DNAH5: variants seen among roughly 807,000 people sequenced by gnomAD.
DNAH5 encodes the protein dynein axonemal heavy chain 5, also known as axonemal beta dynein heavy chain 5.
A neutral mutation model predicts 518.2 loss-of-function variants in DNAH5; 372 were observed. The ratio of observed to expected loss-of-function variants is 0.72; its 90% CI spans 0.66 to 0.78. The LOEUF (loss-of-function observed/expected upper bound fraction) is 0.78, where lower values mean the gene tolerates loss of function less well. Among genes scored for constraint, DNAH5 ranks in the 30% least tolerant of loss-of-function variants. The pLI is 0.00. For missense variants in DNAH5, 5,523 were observed against 5,687.0 expected, an observed-to-expected ratio of 0.97 and a Z score of 0.93; for synonymous variants, 2,039 against 2,025.9, an observed-to-expected ratio of 1.01 and a Z score of -0.17.
chr5:13,795,074 A>G (rs1449362310), intron 47 of DNAH5, among the ~76,000 whole-genome samples: 2 of 152,200 alleles, frequency 1.3e-5, no homozygotes, highest in Admixed American at 6.5e-5. Context: ...AATTTATAGC[A>G]CTAAACACCC....
chr5:13,838,924 G>C (rs544941818), intron 35 of DNAH5, among the ~76,000 whole-genome samples: 1 of 151,550 alleles, frequency 6.6e-6, no homozygotes, highest in South Asian at 2.1e-4. Context: ...CACTCTGGAG[G>C]CCTTTCCAGT....
chr5:13,766,820 GATA>G (rs1253265461), intron 58 of DNAH5, among the ~76,000 whole-genome samples: 1 of 152,176 alleles, frequency 6.6e-6, no homozygotes, highest in Non-Finnish European at 1.5e-5. Context: ...TGTTTTGGTT[GATA>G]ATAACTGCTC....
At chr5:13,978,311 T>G (rs1431943744) in intron 1 of DNAH5, among the ~76,000 whole-genome samples, 1 of 152,208 alleles carries the variant, frequency 6.6e-6, no homozygotes, top group African/African-American at 2.4e-5. Context: ...GATTAACATT[T>G]AGATCAGTAG....
chr5:13,927,908 A>C (rs1157827585), intron 3 of DNAH5, among the ~76,000 whole-genome samples, 186 bp downstream of exon 3: 1 of 152,206 alleles, frequency 6.6e-6, no homozygotes, highest in Non-Finnish European at 1.5e-5. Context: ...CCTTGAGGTG[A>C]AACAGAACTT....
intron 78 of DNAH5, among the ~76,000 whole-genome samples, chr5:13,692,452 C>T (rs1579766952): frequency 6.6e-6 from 1 of 152,254 alleles, no homozygotes; most frequent in Non-Finnish European, 1.5e-5. Context: ...ATCCCCTCCA[C>T]CTGTTCTCCT....
chr5:13,826,820 T>C (rs1486786068), intron 38 of DNAH5, among the ~76,000 whole-genome samples: 2 of 152,140 alleles, frequency 1.3e-5, no homozygotes, highest in Admixed American at 1.3e-4. Flanking sequence ...AGGCAGAGGT[T>C]GGAACAGTTT....
rs7726168 is a variant in DNAH5, at chr5:13,762,539, T to C, written c.10281+183A>G. On this transcript the variant is annotated intron_variant, in intron 60 of 78. Transcript: ENST00000265104. ...GCTTAGAGGCTCATATGGTTCTGAT[T>C]AGAACAGGATTACAAAGAAGAAAGA... Among the ~76,000 whole-genome samples the C allele has an allele frequency of 2.9e-3, 444 of 152,272 alleles. 3 individuals are homozygous for C. Among genetic ancestry groups the C allele is most frequent in the African/African-American group, 0.01 (426 of 41,538 alleles).
chr5:13,934,712 C>G (rs933511534), intron 1 of DNAH5, among the ~76,000 whole-genome samples: 13 of 152,122 alleles, frequency 8.5e-5, no homozygotes, highest in Non-Finnish European at 1.5e-4. Context: ...TATTGCTACA[C>G]CTATGTAATT....
At chr5:13,978,472 G>A (rs1581095837) in intron 1 of DNAH5, among the ~76,000 whole-genome samples, 3 of 152,238 alleles carry the variant, frequency 2.0e-5, no homozygotes, top group East Asian at 1.9e-4. Flanking sequence ...TCTGCTCTCC[G>A]TAGTCTCCAG....
At chr5:13,794,708 G>A (rs1438177742) in intron 47 of DNAH5, among the ~76,000 whole-genome samples, 1 of 152,204 alleles carries the variant, frequency 6.6e-6, no homozygotes, top group Non-Finnish European at 1.5e-5. Flanking sequence ...GCTGATGCCT[G>A]TAATCCCAGC....
rs371663826 is a variant in DNAH5 at position 13,762,809 on chromosome 5, G to A, written c.10194C>T (p.Arg3398=). The A allele has an allele frequency of 9.0e-5, 146 of 1,614,006 alleles. No individual in the cohort carries two copies. The highest frequency in any genetic ancestry group is 2.2e-4 in the Admixed American group (13 of 60,026). Residue 3398 remains arginine (R), a synonymous_variant, in exon 60 of 79, where the codon CGC becomes CGT. Coordinates refer to ENST00000265104, the MANE Select transcript of DNAH5 (RefSeq NM_001369.3). Reference sequence around the variant, plus strand: ...AAAGACCAGCTACATTTCCACATACGCGTTTAGCAGTTTCGATGTTATAGT... The same window carrying A: ...AAAGACCAGCTACATTTCCACATACACGTTTAGCAGTTTCGATGTTATAGT... ...MPDYNIETAK[R]VCGNVAGLCS... is the part of the protein sequence containing the mutation.
In DNAH5 at chr5:13,882,708, A is replaced by C. The variant is rs753303640; in HGVS notation, c.3262+20T>G. 1.3e-6 allele frequency: 2 copies of C among 1,572,502 alleles called. No homozygotes were observed. The highest frequency in any genetic ancestry group is 1.7e-5 in the Admixed American group (1 of 59,948). On this transcript the variant is annotated intron_variant, in intron 21 of 78. Coordinates refer to ENST00000265104, the MANE Select transcript of DNAH5 (RefSeq NM_001369.3). The stretch of plus-strand genomic sequence containing the variant: ...TGTTGATTTACAATGCCTCTTTTAA[A>C]AGACTAAAAGAACATTTACCTTGAA...
At chr5:13,988,739 T>TTTTTTTTTTTTA (rs57485156) in intron 1 of DNAH5, among the ~76,000 whole-genome samples, 1 of 149,530 alleles carries the variant, frequency 6.7e-6, no homozygotes, top group East Asian at 2.0e-4. Context: ...TTTTTTTTTT[T>TTTTTTTTTTTTA]GAGACAGAGT....
intron 73 of DNAH5, 85 bp downstream of exon 73, chr5:13,717,230 T>C: frequency 7.9e-7 from 1 of 1,269,792 alleles, no homozygotes; most frequent in Non-Finnish European, 1.1e-6. Context: ...TCTTATATAA[T>C]TTACGCCAAA....
chr5:13,954,488 G>A (rs1054676217), intron 1 of DNAH5, among the ~76,000 whole-genome samples: 3 of 152,318 alleles, frequency 2.0e-5, no homozygotes, highest in African/African-American at 7.2e-5. Context: ...TGAAGGAGGA[G>A]CAATTGCATG....
intron 61 of DNAH5, among the ~76,000 whole-genome samples, chr5:13,758,216 TAAGGC>T (rs1751279560): frequency 6.6e-6 from 1 of 152,142 alleles, no homozygotes; most frequent in African/African-American, 2.4e-5. Flanking sequence ...CAAAGATAGG[TAAGGC>T]ACTAGGGTGC....
In DNAH5 at chr5:13,763,763, C is replaced by T. The variant is rs566049464; in HGVS notation, c.10102-862G>A. ...TTTTATGAGACTTGAAAAATTGTAA[C>T]CCCAAAAAAAGCCAGATGAATGTCT... On this transcript the variant is annotated intron_variant, in intron 59 of 78. Transcript: ENST00000265104. Among the ~76,000 whole-genome samples the T allele has an allele frequency of 8.1e-4, 124 of 152,238 alleles. 1 individual carries two copies. Among genetic ancestry groups the T allele is most frequent in the African/African-American group, 2.7e-3 (114 of 41,544 alleles).
chr5:13,859,638 T>G (rs768473337), intron 29 of DNAH5, 33 bp from the exon 30 acceptor site: 10 of 1,602,136 alleles, frequency 6.2e-6, no homozygotes, highest in African/African-American at 1.3e-5. Flanking sequence ...GGTTTGGTTT[T>G]GTTTTTGTTG....
intron 61 of DNAH5, 93 bp from the exon 62 acceptor site, chr5:13,754,431 C>T: frequency 2.8e-6 from 4 of 1,412,444 alleles, no homozygotes; most frequent in Non-Finnish European, 4.0e-6. Context: ...ATATTATCTG[C>T]CTTCCTGAGA....
Sources: gnomAD v4.1 joint callset for allele counts (sites outside exome capture counted in the v4.1 genomes callset) on GRCh38, gnomAD v4.1.1 for gene constraint, MANE v1.5 for transcripts, NCBI Gene and HGNC (gene_info 2026-07-23, HGNC 2026-07-21) for gene names.